GRID2: variants seen among roughly 807,000 people sequenced by gnomAD.
GRID2 encodes glutamate ionotropic receptor delta type subunit 2.
Under a neutral mutation model 114.8 loss-of-function variants are expected in GRID2, and 33 were observed. That is an observed-to-expected ratio of 0.29 (90% CI 0.22 to 0.38). The LOEUF (loss-of-function observed/expected upper bound fraction) is 0.38. Among genes scored for constraint, GRID2 ranks in the 10% least tolerant of loss-of-function variants. The pLI is 1.00. For missense variants in GRID2, 1,184 were observed against 1,257.7 expected (o/e 0.94, Z 0.89); for synonymous variants, 505 against 449.9 (o/e 1.12, Z -1.55).
chr4:92,425,582 T>C (rs1327481312), intron 1 of GRID2, among the ~76,000 whole-genome samples: 2 of 152,080 alleles, frequency 1.3e-5, no homozygotes, highest in Non-Finnish European at 2.9e-5. Context: ...ATCCATATTA[T>C]ATAGTGTTTT....
chr4:93,753,454 A>G (rs1349817926), intron 14 of GRID2, among the ~76,000 whole-genome samples: 1 of 151,960 alleles, frequency 6.6e-6, no homozygotes, highest in Non-Finnish European at 1.5e-5. Context: ...TTAACTCGTC[A>G]TTTGTATTAG....
intron 4 of GRID2, among the ~76,000 whole-genome samples, chr4:93,126,584 C>CTTTTTTTTTTTTTTTTTTTTTTT (rs60017147): frequency 1.9e-5 from 1 of 52,734 alleles, no homozygotes; most frequent in Non-Finnish European, 3.3e-5. Context: ...CTATTTAATT[C>CTTTTTTTTTTTTTTTTTTTTTTT]TTTTTTTTTT....
At chr4:92,411,631 G>GTGTC (rs1243069252) in intron 1 of GRID2, among the ~76,000 whole-genome samples, 4 of 86,584 alleles carry the variant, frequency 4.6e-5, no homozygotes, top group African/African-American at 1.9e-4. Context: ...ATGCATGTGT[G>GTGTC]TGTGTGTGTG....
chr4:92,573,940 T>G (rs535065085), intron 1 of GRID2, among the ~76,000 whole-genome samples: 1 of 152,264 alleles, frequency 6.6e-6, no homozygotes, highest in South Asian at 2.1e-4. Flanking sequence ...TGTAGAAGCC[T>G]AAGTCTCTTT....
At chr4:92,467,130 A>T (rs1721798600) in intron 1 of GRID2, among the ~76,000 whole-genome samples, 1 of 151,794 alleles carries the variant, frequency 6.6e-6, no homozygotes, top group African/African-American at 2.4e-5. Context: ...GCGAATGTTA[A>T]AAATGTTTTA....
chr4:92,705,382 G>C (rs1734906956), intron 2 of GRID2, among the ~76,000 whole-genome samples: 1 of 152,106 alleles, frequency 6.6e-6, no homozygotes. Flanking sequence ...TACACGCCAG[G>C]CATTGTTGAA....
At chr4:93,698,167 C>T (rs1342677759) in intron 14 of GRID2, among the ~76,000 whole-genome samples, 1 of 151,860 alleles carries the variant, frequency 6.6e-6, no homozygotes, top group Non-Finnish European at 1.5e-5. Context: ...CATTTTTTCT[C>T]TCCTCCTTCA....
At chr4:92,374,942 T>C (rs186365395) in intron 1 of GRID2, among the ~76,000 whole-genome samples, 24 of 152,252 alleles carry the variant, frequency 1.6e-4, no homozygotes, top group Admixed American at 9.2e-4. Context: ...ATACCATACC[T>C]GAGACAGACT....
At chr4:92,951,373 A>G (rs1752025098) in intron 2 of GRID2, among the ~76,000 whole-genome samples, 1 of 149,492 alleles carries the variant, frequency 6.7e-6, no homozygotes, top group Non-Finnish European at 1.5e-5. Flanking sequence ...TTATTTTGAG[A>G]CAGGATCTCA....
chr4:93,712,403 T>C (rs17021040), intron 14 of GRID2, among the ~76,000 whole-genome samples: 6,416 of 152,290 alleles, frequency 0.042, 221 homozygotes, highest in African/African-American at 0.085. Flanking sequence ...ATTGTATCTC[T>C]GCTTAAATGT....
chr4:92,797,657 A>C (rs78085652), intron 2 of GRID2, among the ~76,000 whole-genome samples: 1 of 151,916 alleles, frequency 6.6e-6, no homozygotes, highest in Non-Finnish European at 1.5e-5. Context: ...GTATCTTTAT[A>C]TTTTATGCAT....
intron 2 of GRID2, among the ~76,000 whole-genome samples, chr4:93,035,316 T>G (rs76634641): frequency 0.025 from 3,839 of 152,156 alleles, 84 homozygotes; most frequent in African/African-American, 0.055. Flanking sequence ...TTTCACTATT[T>G]TTGCCCAGGA....
chr4:93,453,134 C>T (rs947779542), intron 10 of GRID2, among the ~76,000 whole-genome samples: 3 of 148,722 alleles, frequency 2.0e-5, no homozygotes, highest in Non-Finnish European at 3.0e-5. Flanking sequence ...TGAGAACATG[C>T]GGTGTTTGGT....
At chr4:93,086,983 G>A (rs1456654626) in intron 3 of GRID2, among the ~76,000 whole-genome samples, 1 of 151,734 alleles carries the variant, frequency 6.6e-6, no homozygotes, top group East Asian at 1.9e-4. Flanking sequence ...TTATTTAAGC[G>A]GGGAGAACAA....
At chr4:92,986,333 T>C (rs1280796267) in intron 2 of GRID2, among the ~76,000 whole-genome samples, 1 of 152,062 alleles carries the variant, frequency 6.6e-6, no homozygotes, top group Non-Finnish European at 1.5e-5. Flanking sequence ...CAATAAAGAG[T>C]CTATTTTTTG....
intron 2 of GRID2, among the ~76,000 whole-genome samples, chr4:92,877,643 C>T (rs949875805): frequency 2.0e-5 from 3 of 152,122 alleles, no homozygotes; most frequent in East Asian, 3.9e-4. Context: ...AACCAGGCTA[C>T]AATCAGGATA....
chr4:92,757,109 T>A (rs1737755872), intron 2 of GRID2, among the ~76,000 whole-genome samples: 1 of 152,118 alleles, frequency 6.6e-6, no homozygotes, highest in African/African-American at 2.4e-5. Context: ...TTTTAAGTCA[T>A]TTTAGTGGAT....
At chr4:92,759,699 G>C (rs927587072) in intron 2 of GRID2, among the ~76,000 whole-genome samples, 3 of 151,908 alleles carry the variant, frequency 2.0e-5, no homozygotes, top group Non-Finnish European at 4.4e-5. Flanking sequence ...CCACCTCCCA[G>C]GTACAAGGAT....
At chr4:92,440,614 G>A (rs374805127) in intron 1 of GRID2, among the ~76,000 whole-genome samples, 25 of 151,938 alleles carry the variant, frequency 1.6e-4, no homozygotes, top group East Asian at 1.6e-3. Context: ...AGATTTCCAC[G>A]ATGGAAAGGA....
Sources: gnomAD v4.1 joint callset for allele counts (sites outside exome capture counted in the v4.1 genomes callset) on GRCh38, gnomAD v4.1.1 for gene constraint, MANE v1.5 for transcripts, NCBI Gene and HGNC (gene_info 2026-07-23, HGNC 2026-07-21) for gene names.